The following ADGRB2 variants were observed in gnomAD, a reference collection of about 807,000 sequenced individuals.
The protein encoded by ADGRB2 is brain-specific angiogenesis inhibitor 2.
In ADGRB2, 47 loss-of-function variants were observed where a neutral mutation model predicts 178.7. The ratio of observed to expected loss-of-function variants is 0.26; its 90% CI spans 0.21 to 0.34. ADGRB2 has a LOEUF of 0.34. ADGRB2 is among the 10% of genes least tolerant of loss of function. ADGRB2 has a pLI of 1.00. For missense variants in ADGRB2, 1,584 were observed against 2,180.8 expected, an observed-to-expected ratio of 0.73 and a Z score of 5.45; for synonymous variants, 870 against 912.4, an observed-to-expected ratio of 0.95 and a Z score of 0.84.
intron 7 of ADGRB2, 65 bp downstream of exon 7, chr1:31,742,773 C>T (rs999889222): frequency 1.5e-5 from 20 of 1,371,192 alleles, no homozygotes; most frequent in Non-Finnish European, 1.9e-5. Context: ...GACTGCCTCC[C>T]CAGGTCTCCC....
chr1:31,736,587 A>T lies in ADGRB2; in HGVS notation c.3116T>A (p.Leu1039His), dbSNP rs1440856934. ...MRTRLVRKRF[L>H]CLGWGLPALV... is the part of the protein sequence containing the mutation. ...GCCCTGCTCACCCCAGCCCAGGCAG[A>T]GGAAGCGCTTGCGAACGAGGCGGGT... Residue 1039 changes from leucine to histidine, a missense_variant, in exon 21 of 33, where the codon CTC becomes CAC. Physicochemically the swap from Leu to His is moderately conservative, Grantham distance 99. Around this residue, in one of 3 missense-constraint regions of ADGRB2, gnomAD observed 865 missense variants for 1,192.8 expected, o/e 0.73. Coordinates refer to ENST00000373658, the MANE Select transcript of ADGRB2 (RefSeq NM_001364857.2). 6.2e-7 allele frequency: 1 copy of T among 1,614,050 alleles called. No individual in the cohort carries two copies. Among genetic ancestry groups the T allele is most frequent in the Admixed American group, 1.7e-5 (1 of 60,030 alleles).
chr1:31,758,230 G>A lies in ADGRB2; in HGVS notation c.-190-719C>T, dbSNP rs1646930946. On this transcript the variant is annotated intron_variant, in intron 1 of 32. Transcript: ENST00000373658. This position sits in a 1 kb window ranked among gnomAD's most constrained non-coding sequence, Gnocchi z 4.2. ...TGGTCCTCATCAGAGGAGAAAAGAT[G>A]GGGCTAGGAAAAGGGAGACAACCCG... 6.6e-6 allele frequency among the ~76,000 whole-genome samples: 1 copy of A among 152,210 alleles called. No homozygotes were observed. Among genetic ancestry groups the A allele is most frequent in the Non-Finnish European group, 1.5e-5 (1 of 68,032 alleles).
At position 31,740,538 on chromosome 1, in the gene ADGRB2, T is replaced by C. The variant is rs1177802788; in HGVS notation, c.1798A>G (p.Arg600Gly). 6.2e-7 allele frequency: 1 copy of C among 1,601,888 alleles called. No homozygotes were observed. ...CGCTGCCCCTTGGCCAGGTGCTCCCTAAGCTGTAGGTGATGAGGGGGCCAC... is the reference window on the plus strand; with the variant it reads ...CGCTGCCCCTTGGCCAGGTGCTCCCCAAGCTGTAGGTGATGAGGGGGCCAC... ...HEYRYLYLSL[R>G]EHLAKGQRML... The change falls in exon 12 of 33, where the codon AGG (arginine) becomes GGG (glycine). Residue 600 changes from arginine to glycine, a missense_variant. By Grantham distance (125) the Arg-to-Gly change is moderately radical (BLOSUM62 -2). Transcript: ENST00000373658. This position sits in a 1 kb window ranked among gnomAD's most constrained non-coding sequence, Gnocchi z 5.9.
rs899222908 is a variant in ADGRB2, at chr1:31,746,327, G to A, written c.839-1596C>T. On this transcript the variant is annotated intron_variant, in intron 4 of 32. Transcript: ENST00000373658. ...CCTTCCAGCCCCTCATGTGCCACCC[G>A]AGCCTACTCCCTCTGAATAGCATCT... is the stretch of plus-strand genomic sequence containing the variant. Among the ~76,000 whole-genome samples the A allele has an allele frequency of 3.3e-5, 5 of 151,994 alleles. 1 individual carries two copies. Among genetic ancestry groups the A allele is most frequent in the South Asian group, 4.2e-4 (2 of 4,786 alleles).
chr1:31,732,378 G>C lies in ADGRB2; in HGVS notation c.3720+139C>G. On this transcript the variant is annotated intron_variant, in intron 27 of 32. Transcript: ENST00000373658. ...AGGACTTGCCCAATGCCACCCAGGT[G>C]TTAGTGGCTGAGCCTGAATCAAACC... 7.7e-6 allele frequency: 9 copies of C among 1,170,344 alleles called. No homozygotes were observed. In the South Asian group the frequency reaches 1.3e-4, roughly 16 times the overall value. 72.5% of individuals were successfully genotyped at this position (1,170,344 alleles called of 1,614,324 possible). A position where few individuals can be genotyped will look rare whatever the true frequency, so the allele number is the denominator to read the frequency against.
chr1:31,732,116 T>G lies in ADGRB2; in HGVS notation c.3759A>C (p.Thr1253=). The change falls in exon 28 of 33, where the codon ACA becomes ACC. Residue 1253 remains threonine, a splice_region_variant and synonymous_variant. Coordinates refer to ENST00000373658, the MANE Select transcript of ADGRB2 (RefSeq NM_001364857.2). ...FEKDVDLACQ[T]VLFKEVNTCN... is the part of the protein sequence containing the mutation. Reference sequence around the variant, plus strand: ...TCAGTTCTGCCACGGCACACTCACCTGTTTGACAAGCCAGATCCACATCCT... The same window carrying G: ...TCAGTTCTGCCACGGCACACTCACCGGTTTGACAAGCCAGATCCACATCCT... The G allele has an allele frequency of 6.2e-7, 1 of 1,614,064 alleles. No homozygotes were observed. Among genetic ancestry groups the G allele is most frequent in the Non-Finnish European group, 8.5e-7 (1 of 1,179,966 alleles).
At position 31,732,739 on chromosome 1, in the gene ADGRB2, G is replaced by T. The variant is rs1050702160; in HGVS notation, c.3625-127C>A. On this transcript the variant is annotated intron_variant, in intron 26 of 32. Transcript: ENST00000373658. ...AGGCAACACATCCAACCTTGGGGAA[G>T]GTGATGACACCTGGGCAGGGTGCAA... The T allele has an allele frequency of 2.5e-6, 3 of 1,210,196 alleles. No homozygotes were observed. In the Admixed American group the frequency reaches 6.1e-5, roughly 25 times the overall value. The allele number at this position is 1,210,196 out of a possible 1,614,324, so 75.0% of individuals were successfully genotyped here. A position where few individuals can be genotyped will look rare whatever the true frequency, so the allele number is the denominator to read the frequency against.
Position 31,741,256 on chromosome 1 carries a change from A to C in ADGRB2, c.1794+117T>G. 2 of 1,028,590 alleles carry C rather than the reference A, an allele frequency of 1.9e-6. No individual in the cohort carries two copies. Among genetic ancestry groups the C allele is most frequent in the East Asian group, 5.3e-5 (2 of 37,972 alleles). The allele number at this position is 1,028,590 out of a possible 1,614,324, so 63.7% of individuals were successfully genotyped here. A position where few individuals can be genotyped will look rare whatever the true frequency, so the allele number is the denominator to read the frequency against. The stretch of plus-strand genomic sequence containing the variant: ...GACAAGGAGAGGCACAGCCAGGCAG[A>C]AGTGGGCACAGCATATGCCAAGGCA... On this transcript the variant is annotated intron_variant, in intron 11 of 32. Transcript: ENST00000373658. The surrounding 1 kb of genome is among the most constrained non-coding windows in gnomAD (Gnocchi z 6.5).
chr1:31,741,740 G>T lies in ADGRB2; in HGVS notation c.1586-15C>A. 6.2e-7 allele frequency: 1 copy of T among 1,609,184 alleles called. No individual in the cohort carries two copies. The highest frequency in any genetic ancestry group is 1.1e-5 in the South Asian group (1 of 90,682). On this transcript the variant is annotated splice_polypyrimidine_tract_variant and intron_variant, in intron 9 of 32. Coordinates refer to ENST00000373658, the MANE Select transcript of ADGRB2 (RefSeq NM_001364857.2). The surrounding 1 kb of genome is among the most constrained non-coding windows in gnomAD (Gnocchi z 6.5). ...CTCATGGAAGGCTGTGGGTGCAGGGGTAAGGTTCAGCTGGGTCCACACATG... is the reference window on the plus strand; with the variant it reads ...CTCATGGAAGGCTGTGGGTGCAGGGTTAAGGTTCAGCTGGGTCCACACATG...
In ADGRB2 at chr1:31,757,291, T is replaced by C; in HGVS notation, c.-60-10A>G. 3.8e-6 allele frequency: 6 copies of C among 1,586,984 alleles called. No individual in the cohort carries two copies. The highest frequency in any genetic ancestry group is 1.3e-5 in the African/African-American group (1 of 74,408). ...ATGTCACCGCGTAATCCTGTGGTAA[T>C]TGTCAAAGTGGTGATGTTTGACTAT... On this transcript the variant is annotated splice_polypyrimidine_tract_variant and intron_variant, in intron 2 of 32. Transcript: ENST00000373658.
chr1:31,734,622 A>G (rs1645471917), intron 25 of ADGRB2, among the ~76,000 whole-genome samples: 1 of 152,212 alleles, frequency 6.6e-6, no homozygotes, highest in South Asian at 2.1e-4. Flanking sequence ...TTACCCTTGC[A>G]TAGCTGGGAT....
chr1:31,744,248 C>T lies in ADGRB2; in HGVS notation c.1032G>A (p.Leu344=), dbSNP rs976364037. Residue 344 remains leucine (L), a synonymous_variant, in exon 6 of 33, where the codon CTG becomes CTA. Transcript: ENST00000373658. The surrounding 1 kb of genome is among the most constrained non-coding windows in gnomAD (Gnocchi z 6.7). ...RSCVSSPYGT[L]CSGPLRETRP... ...TGGTCTCCCGCAGGGGCCCGCTGCACAGGGTCCCATAGGGGGAGGACACAC... is the reference window on the plus strand; with the variant it reads ...TGGTCTCCCGCAGGGGCCCGCTGCATAGGGTCCCATAGGGGGAGGACACAC... 1 of 1,550,204 alleles carries T rather than the reference C, an allele frequency of 6.5e-7. No individual in the cohort carries two copies. The highest frequency in any genetic ancestry group is 1.4e-5 in the African/African-American group (1 of 73,104).
intron 6 of ADGRB2, chr1:31,743,576 C>G (rs1459363424): frequency 6.5e-6 from 1 of 152,932 alleles, no homozygotes; most frequent in Non-Finnish European, 1.5e-5. Flanking sequence ...AGGCCCTGCT[C>G]TAAATCCACA....
In ADGRB2 at chr1:31,727,335, C is replaced by A; in HGVS notation, c.*85G>T. On this transcript the variant is annotated 3_prime_UTR_variant, in exon 33 of 33. Transcript: ENST00000373658. This position sits in a 1 kb window ranked among gnomAD's most constrained non-coding sequence, Gnocchi z 4.4. ...CCAGCCCTCGGGAGAGGGGAGAGGG[C>A]GCTGGCTCCTGGGTAGTTCCAAAGT... 1 of 1,436,586 alleles carries A rather than the reference C, an allele frequency of 7.0e-7. No individual in the cohort carries two copies. The highest frequency in any genetic ancestry group is 1.5e-5 in the South Asian group (1 of 68,346). 89.0% of individuals were successfully genotyped at this position (1,436,586 alleles called of 1,614,324 possible). A position where few individuals can be genotyped will look rare whatever the true frequency, so the allele number is the denominator to read the frequency against.
intron 4 of ADGRB2, among the ~76,000 whole-genome samples, chr1:31,747,514 C>T (rs1646339067): frequency 6.6e-6 from 1 of 152,158 alleles, no homozygotes; most frequent in Admixed American, 6.5e-5. Context: ...TCAAAACCCA[C>T]CTCAAATGAC....
rs1033801276 is a variant in ADGRB2, at chr1:31,733,939, C to T, written c.3453-796G>A. Among the ~76,000 whole-genome samples the T allele has an allele frequency of 1.1e-4, 16 of 152,230 alleles. No homozygotes were observed. Among genetic ancestry groups the T allele is most frequent in the African/African-American group, 3.9e-4 (16 of 41,458 alleles). On this transcript the variant is annotated intron_variant, in intron 25 of 32. Coordinates refer to ENST00000373658, the MANE Select transcript of ADGRB2 (RefSeq NM_001364857.2). This position sits in a 1 kb window ranked among gnomAD's most constrained non-coding sequence, Gnocchi z 4.3. ...CCATACCCTCCCGGGCCAGGTGCCA[C>T]ACTCAGCCCACTCTCCTTCGCAAAC...
Position 31,728,098 on chromosome 1 carries a change from CGGT to C in ADGRB2, c.4516-20_4516-18del. On this transcript the variant is annotated intron_variant, in intron 31 of 32. Transcript: ENST00000373658. This position sits in a 1 kb window ranked among gnomAD's most constrained non-coding sequence, Gnocchi z 6.7. ...CTTCTCCCTCTGCAACGGGGGCCAC[CGGT>C]CAGGCTCCAACCCCAGGGGCCACTG... 1 of 1,610,694 alleles carries C rather than the reference CGGT, an allele frequency of 6.2e-7. No individual in the cohort carries two copies.
chr1:31,743,074 C>G, intron 6 of ADGRB2, 72 bp from the exon 7 acceptor site: 1 of 1,338,302 alleles, frequency 7.5e-7, no homozygotes, highest in South Asian at 1.8e-5. Context: ...TGCCCATCCG[C>G]CCACCAATCA....
At position 31,731,023 on chromosome 1, in the gene ADGRB2, G is replaced by C. The variant is rs1284150053; in HGVS notation, c.4157C>G (p.Ala1386Gly). The C allele has an allele frequency of 3.8e-6, 6 of 1,584,316 alleles. No individual in the cohort carries two copies. Among genetic ancestry groups the C allele is most frequent in the Non-Finnish European group, 5.2e-6 (6 of 1,162,584 alleles). Residue 1386 changes from alanine (A) to glycine (G), a missense_variant, in exon 29 of 33, where the codon GCC becomes GGC. By Grantham distance (60) the Ala-to-Gly change is moderately conservative. Coordinates refer to ENST00000373658, the MANE Select transcript of ADGRB2 (RefSeq NM_001364857.2). ...GCCTTCAGTGTGGGCCACTGTCTTGGCAGCTCGCCGGGGGGTCCCCTCCGG... is the reference window on the plus strand; with the variant it reads ...GCCTTCAGTGTGGGCCACTGTCTTGCCAGCTCGCCGGGGGGTCCCCTCCGG... ...ARPEGTPRRA[A>G]KTVAHTEGYP...
Sources: gnomAD v4.1 joint callset for allele counts (sites outside exome capture counted in the v4.1 genomes callset) on GRCh38, gnomAD v4.1.1 for gene constraint, gnomAD v4.1.1 regional missense constraint, Gnocchi (gnomAD v3.1) non-coding constraint, MANE v1.5 for transcripts, NCBI Gene and HGNC (gene_info 2026-07-23, HGNC 2026-07-21) for gene names.